The following SPIRE1 variants were observed in gnomAD, a reference collection of about 807,000 sequenced individuals.
The protein encoded by SPIRE1 is spire type actin nucleation factor 1.
Under a neutral mutation model 94.1 loss-of-function variants are expected in SPIRE1, and 40 were observed. The ratio of observed to expected loss-of-function variants is 0.43; its 90% CI spans 0.33 to 0.55. SPIRE1 has a LOEUF of 0.55. Ranked by LOEUF, SPIRE1 falls within the 20% of genes least tolerant of loss-of-function variation. The probability of loss-of-function intolerance (pLI) is 0.06; values close to 1 mark genes in which losing one functional copy is unlikely to be tolerated. For missense variants in SPIRE1, 838 were observed against 975.2 expected (o/e 0.86, Z 1.87); for synonymous variants, 376 against 371.7 (o/e 1.01, Z -0.13).
intron 2 of SPIRE1, among the ~76,000 whole-genome samples, chr18:12,634,663 G>A (rs561544537): frequency 1.0e-3 from 154 of 152,124 alleles, no homozygotes; most frequent in African/African-American, 1.7e-3. Flanking sequence ...GGCCAGGTGC[G>A]GTGACTCATG....
intron 2 of SPIRE1, among the ~76,000 whole-genome samples, chr18:12,584,292 T>C (rs2036334200): frequency 6.6e-6 from 1 of 152,018 alleles, no homozygotes; most frequent in South Asian, 2.1e-4. Context: ...TAGCCGGGCA[T>C]GGTGGTGCAC....
intron 4 of SPIRE1, among the ~76,000 whole-genome samples, chr18:12,528,907 G>A (rs1050867405): frequency 6.6e-6 from 1 of 152,118 alleles, no homozygotes; most frequent in Non-Finnish European, 1.5e-5. Context: ...AAATATCTAC[G>A]GAGTCCCCAT....
At chr18:12,577,511 TAGAAAAAAAGG>T (rs2036139759) in intron 2 of SPIRE1, among the ~76,000 whole-genome samples, 1 of 152,280 alleles carries the variant, frequency 6.6e-6, no homozygotes, top group East Asian at 1.9e-4. Flanking sequence ...AGGAAAATTC[TAGAAAAAAAGG>T]AGAAAATCTG....
chr18:12,569,956 T>G (rs79219286), intron 2 of SPIRE1, among the ~76,000 whole-genome samples: 2,928 of 152,332 alleles, frequency 0.019, 105 homozygotes, highest in African/African-American at 0.066. Flanking sequence ...TTATCCTGTG[T>G]GGGGTCAACA....
chr18:12,515,963 A>G (rs1659476649), intron 4 of SPIRE1: 1 of 152,050 alleles, frequency 6.6e-6, no homozygotes, highest in South Asian at 2.1e-4. Flanking sequence ...AAACCTCCTG[A>G]ATTCAAATTT....
intron 8 of SPIRE1, among the ~76,000 whole-genome samples, chr18:12,487,402 CTTTT>C (rs35743856): frequency 2.3e-5 from 3 of 132,680 alleles, no homozygotes; most frequent in Non-Finnish European, 1.6e-5. Flanking sequence ...TATTTTCTTT[CTTTT>C]TTTTTTTTTT....
chr18:12,479,876 T>C lies in SPIRE1; in HGVS notation c.1232-5A>G, dbSNP rs1368046191. 3.1e-6 allele frequency: 5 copies of C among 1,610,004 alleles called. No individual in the cohort carries two copies. The highest frequency in any genetic ancestry group is 2.2e-5 in the South Asian group (2 of 90,202). ...TAGATTCAGGGGTAGTCACATCTGG[T>C]AAAAAAGCAAAAGCTTACCTTTTCT... On this transcript the variant is annotated splice_region_variant and splice_polypyrimidine_tract_variant and intron_variant, in intron 9 of 16. Coordinates refer to ENST00000409402, the MANE Select transcript of SPIRE1 (RefSeq NM_001128626.2).
chr18:12,657,845 C>CGT lies in SPIRE1; in HGVS notation c.21_22insAC (p.Ala8ThrfsTer34). The CGT allele has an allele frequency of 9.0e-7, 1 of 1,113,558 alleles. No individual in the cohort carries two copies. Among genetic ancestry groups the CGT allele is most frequent in the Non-Finnish European group, 1.1e-6 (1 of 916,176 alleles). The allele number at this position is 1,113,558 out of a possible 1,614,324, so 69.0% of individuals were successfully genotyped here. A position where few individuals can be genotyped will look rare whatever the true frequency, so the allele number is the denominator to read the frequency against. On this transcript the variant is annotated frameshift_variant, in exon 1 of 17. Coordinates refer to ENST00000409402, the MANE Select transcript of SPIRE1 (RefSeq NM_001128626.2). LOFTEE classifies it high-confidence loss of function. ...TCAGTCCGCGGCTCCCCGCCGCCCGCCGGGCCAGCCGCCTGAGCCATCCCG... is the reference window on the plus strand; with the variant it reads ...TCAGTCCGCGGCTCCCCGCCGCCCGCGTCGGGCCAGCCGCCTGAGCCATCCCG...
intron 2 of SPIRE1, among the ~76,000 whole-genome samples, chr18:12,557,098 C>T (rs180797466): frequency 3.9e-5 from 6 of 152,340 alleles, no homozygotes; most frequent in South Asian, 4.1e-4. Context: ...GTGGATCCCG[C>T]GTTGGGGCTG....
intron 12 of SPIRE1, among the ~76,000 whole-genome samples, chr18:12,460,637 G>A (rs1037549119): frequency 2.0e-5 from 3 of 151,894 alleles, no homozygotes; most frequent in South Asian, 4.2e-4. Context: ...GCTTCAATCC[G>A]GGAGGCGGAG....
At chr18:12,626,018 A>AG (rs993300702) in intron 2 of SPIRE1, among the ~76,000 whole-genome samples, 5 of 149,628 alleles carry the variant, frequency 3.3e-5, no homozygotes, top group Non-Finnish European at 7.4e-5. Context: ...CAACAGAGAG[A>AG]GACTCCATTC....
At chr18:12,587,809 T>TA (rs570676183) in intron 2 of SPIRE1, among the ~76,000 whole-genome samples, 8 of 152,218 alleles carry the variant, frequency 5.3e-5, no homozygotes, top group Non-Finnish European at 1.2e-4. Context: ...AATTGCTTAA[T>TA]AAAAAAACTC....
intron 2 of SPIRE1, among the ~76,000 whole-genome samples, chr18:12,592,626 T>A (rs1598505436): frequency 6.6e-6 from 1 of 152,322 alleles, no homozygotes; most frequent in Non-Finnish European, 1.5e-5. Flanking sequence ...GTTAAGGAGT[T>A]CCAGTTAATA....
intron 2 of SPIRE1, among the ~76,000 whole-genome samples, chr18:12,576,189 T>G (rs546221119): frequency 6.7e-6 from 1 of 149,574 alleles, no homozygotes; most frequent in South Asian, 2.1e-4. Flanking sequence ...GGCGATATAG[T>G]GAGACTCGTC....
chr18:12,485,941 T>C lies in SPIRE1; in HGVS notation c.1231+18A>G. On this transcript the variant is annotated intron_variant, in intron 9 of 16. Coordinates refer to ENST00000409402, the MANE Select transcript of SPIRE1 (RefSeq NM_001128626.2). ...ACAAAACCCACGTCAGGTGTAAAAG[T>C]GTTTTTGTTTTTTTTACCTGACAAG... 2 of 1,526,572 alleles carry C rather than the reference T, an allele frequency of 1.3e-6. No homozygotes were observed. Among genetic ancestry groups the C allele is most frequent in the Non-Finnish European group, 1.8e-6 (2 of 1,133,230 alleles). 94.6% of individuals were successfully genotyped at this position (1,526,572 alleles called of 1,614,324 possible). A position where few individuals can be genotyped will look rare whatever the true frequency, so the allele number is the denominator to read the frequency against.
At chr18:12,626,887 T>TATATATATATATATATATATATA (rs1555634099) in intron 2 of SPIRE1, among the ~76,000 whole-genome samples, 1 of 53,520 alleles carries the variant, frequency 1.9e-5, no homozygotes, top group African/African-American at 4.5e-5. Context: ...TATATATATA[T>TATATATATATATATATATATATA]TTTTTTTTTT....
intron 2 of SPIRE1, among the ~76,000 whole-genome samples, chr18:12,593,907 A>G (rs112662029): frequency 0.015 from 2,210 of 152,026 alleles, 64 homozygotes; most frequent in African/African-American, 0.051. Context: ...GAGATTGCGC[A>G]CCACTGCACT....
At chr18:12,565,151 A>G (rs2035786958) in intron 2 of SPIRE1, among the ~76,000 whole-genome samples, 1 of 152,230 alleles carries the variant, frequency 6.6e-6, no homozygotes, top group Non-Finnish European at 1.5e-5. Flanking sequence ...CAGAAAATCC[A>G]AGATACAGCA....
intron 16 of SPIRE1, 116 bp from the exon 17 acceptor site, chr18:12,450,012 G>A: frequency 9.3e-7 from 1 of 1,075,650 alleles, no homozygotes; most frequent in Non-Finnish European, 1.3e-6. Flanking sequence ...GAATGGATGA[G>A]TGATTTAATC....
Sources: gnomAD v4.1 joint callset for allele counts (sites outside exome capture counted in the v4.1 genomes callset) on GRCh38, gnomAD v4.1.1 for gene constraint, MANE v1.5 for transcripts, NCBI Gene and HGNC (gene_info 2026-07-23, HGNC 2026-07-21) for gene names.